RTF2: variants seen among roughly 807,000 people sequenced by gnomAD.
RTF2 encodes the protein replication termination factor 2.
RTF2 carries 18 observed loss-of-function variants against 38.0 expected under a neutral mutation model. The ratio of observed to expected loss-of-function variants is 0.47; its 90% CI spans 0.33 to 0.70. The LOEUF is 0.70. Ranked by LOEUF, RTF2 falls within the 30% of genes least tolerant of loss-of-function variation. The pLI is 0.02. For synonymous variants in RTF2, 126 were observed against 137.1 expected, an observed-to-expected ratio of 0.92 and a Z score of 0.57; for missense variants, 311 against 379.6, an observed-to-expected ratio of 0.82 and a Z score of 1.50.
chr20:56,506,114 G>A (rs1984252384), intron 5 of RTF2, among the ~76,000 whole-genome samples: 1 of 152,144 alleles, frequency 6.6e-6, no homozygotes, highest in South Asian at 2.1e-4. Flanking sequence ...ATACTACTTT[G>A]AAATATTTCC....
intron 5 of RTF2, among the ~76,000 whole-genome samples, chr20:56,502,771 AG>A (rs1401668891): frequency 6.6e-6 from 1 of 152,182 alleles, no homozygotes; most frequent in Non-Finnish European, 1.5e-5. Context: ...CTTTTCAAAA[AG>A]GGTGGGGGTT....
intron 1 of RTF2, among the ~76,000 whole-genome samples, chr20:56,472,902 G>A (rs149345442): frequency 2.6e-3 from 397 of 152,298 alleles, no homozygotes; most frequent in Admixed American, 5.5e-3. Flanking sequence ...CAGTTTGGGT[G>A]GCTGAGATGG....
chr20:56,519,082 C>G lies in RTF2; in HGVS notation c.*817C>G, dbSNP rs931699446. 2.0e-5 allele frequency: 3 copies of G among 152,184 alleles called. No individual in the cohort carries two copies. The highest frequency in any genetic ancestry group is 7.2e-5 in the African/African-American group (3 of 41,440). The allele number at this position is 152,184 out of a possible 1,614,324, so 9.4% of individuals were successfully genotyped here. On this transcript the variant is annotated 3_prime_UTR_variant, in exon 9 of 9. Transcript: ENST00000357348. ...CTATAAGTTGTGTTGACGTCAATAG[C>G]TAGTGAAACTTCTCATGAGACTCCT... is the stretch of plus-strand genomic sequence containing the variant.
At chr20:56,496,652 C>T in intron 5 of RTF2, 1 of 1,520,544 alleles carries the variant, frequency 6.6e-7, no homozygotes, top group Non-Finnish European at 8.8e-7. Context: ...TTAGTCGGTT[C>T]AGGGTCACCC....
intron 5 of RTF2, among the ~76,000 whole-genome samples, chr20:56,499,724 T>C (rs1983802249): frequency 6.6e-6 from 1 of 151,954 alleles, no homozygotes. Context: ...TTTTGTTTTT[T>C]TTTTTCTGTT....
rs375876482 is a variant in RTF2 at position 56,514,664 on chromosome 20, A to G, written c.591+1236A>G. Among the ~76,000 whole-genome samples, 4 of 152,340 alleles carry G rather than the reference A, an allele frequency of 2.6e-5. 1 individual carries two copies. The highest frequency in any genetic ancestry group is 2.1e-4 in the South Asian group (1 of 4,822). On this transcript the variant is annotated intron_variant, in intron 6 of 8. Coordinates refer to ENST00000357348, the MANE Select transcript of RTF2 (RefSeq NM_016407.5). ...CTTTAAAAAGCCGAGGCTTGAGCACATGGTAGCAGTATTACCATTATGCAT... is the reference window on the plus strand; with the variant it reads ...CTTTAAAAAGCCGAGGCTTGAGCACGTGGTAGCAGTATTACCATTATGCAT...
At chr20:56,495,275 G>A (rs1046646376) in intron 5 of RTF2, 32 of 1,551,230 alleles carry the variant, frequency 2.1e-5, no homozygotes, top group African/African-American at 2.7e-5. Flanking sequence ...CCCAGCCAGC[G>A]TTTGGTGTAG....
intron 4 of RTF2, among the ~76,000 whole-genome samples, chr20:56,482,981 A>G (rs141299141): frequency 6.6e-6 from 1 of 152,204 alleles, no homozygotes; most frequent in African/African-American, 2.4e-5. Context: ...TATGTATTTA[A>G]TAACCTCTTT....
chr20:56,477,077 G>A lies in RTF2; in HGVS notation c.351G>A (p.Ala117=), dbSNP rs375446899. The change falls in exon 4 of 9, where the codon GCG becomes GCA. Residue 117 remains alanine, a synonymous_variant. Coordinates refer to ENST00000357348, the MANE Select transcript of RTF2 (RefSeq NM_016407.5). ...ACAAGCACGATGACCTCCAGCGGGC[G>A]CGTTTCATCTGCCCCGTTGTGGGCC... is the stretch of plus-strand genomic sequence containing the variant. The part of the protein sequence containing the change: ...KGDKHDDLQR[A]RFICPVVGLE... 57 of 1,613,920 alleles carry A rather than the reference G, an allele frequency of 3.5e-5. No homozygotes were observed. The highest frequency in any genetic ancestry group is 3.3e-4 in the Middle Eastern group (2 of 6,084).
intron 5 of RTF2, among the ~76,000 whole-genome samples, chr20:56,500,289 G>A (rs541069074): frequency 6.6e-6 from 1 of 151,996 alleles, no homozygotes; most frequent in African/African-American, 2.4e-5. Context: ...CCTGACCTCA[G>A]GTGATCCACC....
intron 3 of RTF2, among the ~76,000 whole-genome samples, chr20:56,475,992 C>G (rs1031920286): frequency 6.6e-6 from 1 of 152,226 alleles, no homozygotes; most frequent in Non-Finnish European, 1.5e-5. Flanking sequence ...GGAAGCTGAT[C>G]GTATGAATGG....
chr20:56,469,932 A>G (rs750354515), intron 1 of RTF2, among the ~76,000 whole-genome samples: 1 of 152,180 alleles, frequency 6.6e-6, no homozygotes. Flanking sequence ...TTTTTACTCA[A>G]ATGTCATCTG....
intron 6 of RTF2, 96 bp downstream of exon 6, chr20:56,513,524 A>G (rs1390131526): frequency 1.4e-6 from 2 of 1,477,162 alleles, no homozygotes; most frequent in East Asian, 2.5e-5. Context: ...AGGGGTTTGC[A>G]TGATCAAGGC....
At chr20:56,492,643 T>C (rs1983233434) in intron 5 of RTF2, among the ~76,000 whole-genome samples, 1 of 151,960 alleles carries the variant, frequency 6.6e-6, no homozygotes, top group African/African-American at 2.4e-5. Flanking sequence ...ACACTTTTTA[T>C]GTGCTTTTGA....
intron 6 of RTF2, chr20:56,513,684 C>T (rs1036104872): frequency 1.9e-5 from 7 of 371,184 alleles, no homozygotes; most frequent in Admixed American, 3.6e-5. Context: ...TGCGAGGGCA[C>T]GGAGCTGTCA....
intron 5 of RTF2, among the ~76,000 whole-genome samples, chr20:56,506,331 G>A (rs963297527): frequency 1.3e-5 from 2 of 152,100 alleles, no homozygotes; most frequent in African/African-American, 4.8e-5. Flanking sequence ...GTACTGCACA[G>A]GAAACAAAAA....
intron 3 of RTF2, among the ~76,000 whole-genome samples, chr20:56,476,226 T>G (rs1258282632): frequency 1.2e-4 from 19 of 152,224 alleles, no homozygotes; most frequent in Admixed American, 1.1e-3. Flanking sequence ...CAGATTTTAC[T>G]GTCTATTCAA....
Position 56,489,386 on chromosome 20 carries a change from A to G in RTF2, c.477+5197A>G, listed in dbSNP as rs188240321. Among the ~76,000 whole-genome samples, 1,302 of 152,194 alleles carry G rather than the reference A, an allele frequency of 8.6e-3. 14 individuals carry two copies. The highest frequency in any genetic ancestry group is 0.013 in the Non-Finnish European group (878 of 67,992). On this transcript the variant is annotated intron_variant, in intron 5 of 8. Transcript: ENST00000357348. ...GCCATACTGAAATGATTTGTTCAGGACATGTCTTCATTATAGCATTAAGCC... is the reference window on the plus strand; with the variant it reads ...GCCATACTGAAATGATTTGTTCAGGGCATGTCTTCATTATAGCATTAAGCC...
Position 56,518,362 on chromosome 20 carries a change from T to A in RTF2, c.*97T>A. The A allele has an allele frequency of 8.1e-7, 1 of 1,237,986 alleles. No homozygotes were observed. Among genetic ancestry groups the A allele is most frequent in the East Asian group, 2.4e-5 (1 of 42,432 alleles). The allele number at this position is 1,237,986 out of a possible 1,614,324, so 76.7% of individuals were successfully genotyped here. On this transcript the variant is annotated 3_prime_UTR_variant, in exon 9 of 9. Coordinates refer to ENST00000357348, the MANE Select transcript of RTF2 (RefSeq NM_016407.5). The stretch of plus-strand genomic sequence containing the variant: ...TGAGTGCGCTGCTGTGTGTTCTCTC[T>A]ATAGTTCTGTGTCATAAAGCTGTCC...
Sources: allele counts gnomAD v4.1 joint callset (sites outside exome capture counted in the v4.1 genomes callset), GRCh38; gene constraint gnomAD v4.1.1; transcripts MANE v1.5; gene names NCBI Gene and HGNC (gene_info 2026-07-23, HGNC 2026-07-21).